The following KCNH8 variants were observed in gnomAD, a reference collection of about 807,000 sequenced individuals.
KCNH8 encodes the protein voltage-gated delayed rectifier potassium channel KCNH8.
KCNH8 carries 70 observed loss-of-function variants against 103.6 expected under a neutral mutation model. That is an observed-to-expected ratio of 0.68 (90% CI 0.56 to 0.82). The LOEUF (loss-of-function observed/expected upper bound fraction) is 0.82, where lower values mean the gene tolerates loss of function less well. Ranked by LOEUF, KCNH8 falls within the 40% of genes least tolerant of loss-of-function variation. The pLI is 0.00. For synonymous variants in KCNH8, 498 were observed against 489.4 expected (o/e 1.02, Z -0.23); for missense variants, 1,217 against 1,329.9 (o/e 0.92, Z 1.32).
chr3:19,461,465 C>T (rs971460622), intron 11 of KCNH8, among the ~76,000 whole-genome samples: 9 of 152,104 alleles, frequency 5.9e-5, no homozygotes, highest in Admixed American at 2.6e-4. Context: ...ACTGTAGAAG[C>T]AAGCCCCTTT....
At chr3:19,206,439 C>T (rs2063717917) in intron 1 of KCNH8, among the ~76,000 whole-genome samples, 1 of 151,562 alleles carries the variant, frequency 6.6e-6, no homozygotes, top group Admixed American at 6.6e-5. Context: ...GAGTGGAAGG[C>T]TGGGATCTGT....
chr3:19,387,872 A>G (rs2066378859), intron 5 of KCNH8, among the ~76,000 whole-genome samples: 1 of 151,806 alleles, frequency 6.6e-6, no homozygotes, highest in Non-Finnish European at 1.5e-5. Context: ...TGAATAATAA[A>G]TTGTTTTTTA....
chr3:19,375,891 G>C (rs2066188643), intron 5 of KCNH8, among the ~76,000 whole-genome samples: 1 of 152,160 alleles, frequency 6.6e-6, no homozygotes, highest in South Asian at 2.1e-4. Context: ...TGCCCTTGCT[G>C]GGGGGTGCCT....
At chr3:19,488,573 T>C (rs1013232714) in intron 11 of KCNH8, among the ~76,000 whole-genome samples, 5 of 152,322 alleles carry the variant, frequency 3.3e-5, no homozygotes, top group African/African-American at 4.8e-5. Context: ...CAGTCTTTCA[T>C]AGAATTGTGC....
intron 1 of KCNH8, among the ~76,000 whole-genome samples, chr3:19,222,308 A>T (rs1203133221): frequency 6.6e-6 from 1 of 152,218 alleles, no homozygotes; most frequent in African/African-American, 2.4e-5. Context: ...TTATTTGCAG[A>T]TAATATGAGA....
At chr3:19,428,300 A>G (rs2067059065) in intron 7 of KCNH8, among the ~76,000 whole-genome samples, 1 of 152,220 alleles carries the variant, frequency 6.6e-6, no homozygotes, top group Non-Finnish European at 1.5e-5. Flanking sequence ...AATCAATGCC[A>G]GAAAATATTC....
At chr3:19,279,725 T>TA (rs1325746282) in intron 2 of KCNH8, among the ~76,000 whole-genome samples, 1 of 152,240 alleles carries the variant, frequency 6.6e-6, no homozygotes, top group Non-Finnish European at 1.5e-5. Context: ...GCAGCTACGA[T>TA]AAAATAAGAC....
intron 1 of KCNH8, among the ~76,000 whole-genome samples, chr3:19,227,911 T>C (rs950539568): frequency 9.2e-5 from 14 of 152,210 alleles, no homozygotes; most frequent in African/African-American, 3.4e-4. Flanking sequence ...TTGGTGGTTA[T>C]ACATGTGCTC....
chr3:19,299,485 C>T (rs1158529920), intron 3 of KCNH8, among the ~76,000 whole-genome samples: 3 of 151,970 alleles, frequency 2.0e-5, no homozygotes, highest in Non-Finnish European at 4.4e-5. Context: ...AAAACAACAG[C>T]AACAAAAAGT....
At chr3:19,323,070 G>A (rs2065371637) in intron 3 of KCNH8, among the ~76,000 whole-genome samples, 1 of 152,032 alleles carries the variant, frequency 6.6e-6, no homozygotes, top group Admixed American at 6.6e-5. Context: ...CTATTTCATT[G>A]GAGATTTTTC....
chr3:19,406,227 A>G (rs1223061952), intron 7 of KCNH8, among the ~76,000 whole-genome samples: 1 of 152,072 alleles, frequency 6.6e-6, no homozygotes, highest in African/African-American at 2.4e-5. Flanking sequence ...ATTAAAGTAT[A>G]ATTGTATTCT....
At chr3:19,492,284 C>T (rs934697919) in intron 11 of KCNH8, among the ~76,000 whole-genome samples, 9 of 152,084 alleles carry the variant, frequency 5.9e-5, no homozygotes, top group Admixed American at 6.5e-5. Context: ...CCTAGGTTTT[C>T]GTCTAAGATA....
chr3:19,483,857 C>A (rs1362396276), intron 11 of KCNH8, among the ~76,000 whole-genome samples: 1 of 151,136 alleles, frequency 6.6e-6, no homozygotes, highest in Non-Finnish European at 1.5e-5. Flanking sequence ...TCCCTTAGTA[C>A]AGGAAGGGCC....
intron 12 of KCNH8, among the ~76,000 whole-genome samples, chr3:19,511,424 C>T (rs2068781619): frequency 1.3e-5 from 2 of 152,132 alleles, no homozygotes; most frequent in African/African-American, 2.4e-5. Context: ...CCAATAGAGG[C>T]TTCTTGAAAC....
At position 19,363,177 on chromosome 3, in the gene KCNH8, G is replaced by C. The variant is rs572787541; in HGVS notation, c.811+15212G>C. 3.3e-5 allele frequency among the ~76,000 whole-genome samples: 5 copies of C among 152,204 alleles called. No homozygotes were observed. The South Asian group carries it at 1.0e-3, about 32-fold the overall frequency. ...CATCTTTCTGAAAAGCCAAGAGAAG[G>C]TCTCTTAAAGACCATCATCTTGTAT... On this transcript the variant is annotated intron_variant, in intron 5 of 15. Coordinates refer to ENST00000328405, the MANE Select transcript of KCNH8 (RefSeq NM_144633.3).
Position 19,223,281 on chromosome 3 carries a change from A to G in KCNH8, c.77-30373A>G, listed in dbSNP as rs532785801. 1.4e-4 allele frequency among the ~76,000 whole-genome samples: 21 copies of G among 152,258 alleles called. No individual in the cohort carries two copies. The East Asian group carries it at 4.1e-3, about 29-fold the overall frequency. ...GGTCTCAACGTAAAATTAAATTTGC[A>G]TATGGTCAAAATTACCTACCTCTCT... On this transcript the variant is annotated intron_variant, in intron 1 of 15. Coordinates refer to ENST00000328405, the MANE Select transcript of KCNH8 (RefSeq NM_144633.3).
In KCNH8 at chr3:19,409,943, G is replaced by C. The variant is rs112298126; in HGVS notation, c.1177+14632G>C. On this transcript the variant is annotated intron_variant, in intron 7 of 15. Coordinates refer to ENST00000328405, the MANE Select transcript of KCNH8 (RefSeq NM_144633.3). ...ATAGTGGGGGTATTCAAGACCCCAC[G>C]AACAGCATTAGACAGTTCATCACGG... Among the ~76,000 whole-genome samples, 763 of 152,046 alleles carry C rather than the reference G, an allele frequency of 5.0e-3. 10 individuals carry two copies. The highest frequency in any genetic ancestry group is 0.017 in the African/African-American group (696 of 41,494).
chr3:19,517,878 C>A, intron 14 of KCNH8, 120 bp from the exon 15 acceptor site: 1 of 755,962 alleles, frequency 1.3e-6, no homozygotes. Context: ...GTACAGTGCA[C>A]AGACATCAGA....
At chr3:19,420,909 C>T (rs1425897764) in intron 7 of KCNH8, among the ~76,000 whole-genome samples, 1 of 152,112 alleles carries the variant, frequency 6.6e-6, no homozygotes, top group African/African-American at 2.4e-5. Flanking sequence ...ATGGTATAAG[C>T]AAGCCATCTT....
Sources: allele counts gnomAD v4.1 joint callset (sites outside exome capture counted in the v4.1 genomes callset), GRCh38; gene constraint gnomAD v4.1.1; transcripts MANE v1.5; gene names NCBI Gene and HGNC (gene_info 2026-07-23, HGNC 2026-07-21).